Variants in RAB3B observed in about 807,000 individuals in gnomAD.
RAB3B encodes the protein ras-related protein Rab-3B.
In RAB3B, 11 loss-of-function variants were observed where a neutral mutation model predicts 20.5. The observed-to-expected ratio is 0.54, with a 90% CI of 0.34 to 0.89. The LOEUF is 0.89. Ranked by LOEUF, RAB3B falls within the 40% of genes least tolerant of loss-of-function variation. The pLI is 0.02. For missense variants in RAB3B, 225 were observed against 280.9 expected (o/e 0.80, Z 1.42); for synonymous variants, 99 against 106.3 (o/e 0.93, Z 0.42).
At chr1:51,946,913 A>G (rs1684572861) in intron 2 of RAB3B, among the ~76,000 whole-genome samples, 1 of 152,188 alleles carries the variant, frequency 6.6e-6, no homozygotes, top group Non-Finnish European at 1.5e-5. Context: ...TTTCAGACTG[A>G]GATTCAAACC....
chr1:51,969,215 T>G (rs1444918867), intron 2 of RAB3B, among the ~76,000 whole-genome samples: 1 of 152,162 alleles, frequency 6.6e-6, no homozygotes, highest in African/African-American at 2.4e-5. Flanking sequence ...GAGGATTGCT[T>G]AAGCCCAGGA....
chr1:51,932,393 G>A (rs1228461189), intron 4 of RAB3B, among the ~76,000 whole-genome samples: 1 of 152,064 alleles, frequency 6.6e-6, no homozygotes, highest in Non-Finnish European at 1.5e-5. Flanking sequence ...CTTTTTGTAA[G>A]GCAACCTTAC....
chr1:51,973,928 T>C (rs1422090884), intron 2 of RAB3B, among the ~76,000 whole-genome samples: 2 of 152,180 alleles, frequency 1.3e-5, no homozygotes, highest in Non-Finnish European at 2.9e-5. Context: ...ATCCACATAG[T>C]AAATATCAGT....
intron 2 of RAB3B, among the ~76,000 whole-genome samples, chr1:51,949,444 G>A (rs1263713073): frequency 6.6e-6 from 1 of 152,212 alleles, no homozygotes; most frequent in Non-Finnish European, 1.5e-5. Context: ...CTGCAACTGA[G>A]GGCAAGCTTC....
chr1:51,989,134 T>G (rs199730212), intron 1 of RAB3B, among the ~76,000 whole-genome samples: 5 of 20,958 alleles, frequency 2.4e-4, no homozygotes, highest in South Asian at 2.4e-3. Context: ...CACACACACA[T>G]CCTCTCCTTT....
chr1:51,941,439 A>C (rs943165933), intron 2 of RAB3B, among the ~76,000 whole-genome samples: 5 of 152,214 alleles, frequency 3.3e-5, no homozygotes, highest in Non-Finnish European at 5.9e-5. Flanking sequence ...GGCTGGTTAG[A>C]AGATCTTTGC....
In RAB3B at chr1:51,912,542, TAAAAAA is replaced by T; in HGVS notation, c.*7379_*7384del. 1 of 6,388 alleles carries T rather than the reference TAAAAAA, an allele frequency of 1.6e-4. No individual in the cohort carries two copies. The highest frequency in any genetic ancestry group is 0.01 in the South Asian group (1 of 98). The allele number at this position is 6,388 out of a possible 1,614,324, so 0.4% of individuals were successfully genotyped here. On this transcript the variant is annotated 3_prime_UTR_variant, in exon 5 of 5. Coordinates refer to ENST00000371655, the MANE Select transcript of RAB3B (RefSeq NM_002867.4). ...GGCAACATAGCAAGACCGTCTCTATTAAAAAAAAAAAAATATATATATATATATATA... is the reference window on the plus strand; with the variant it reads ...GGCAACATAGCAAGACCGTCTCTATTAAAAAAATATATATATATATATATA...
intron 2 of RAB3B, among the ~76,000 whole-genome samples, chr1:51,960,358 C>T (rs558519892): frequency 1.3e-5 from 2 of 152,264 alleles, no homozygotes; most frequent in South Asian, 2.1e-4. Flanking sequence ...AGAGAGGGGG[C>T]ACTGTATCCC....
intron 2 of RAB3B, among the ~76,000 whole-genome samples, chr1:51,963,708 A>T (rs1684812034): frequency 6.6e-6 from 1 of 152,102 alleles, no homozygotes; most frequent in South Asian, 2.1e-4. Flanking sequence ...TTCATCAGAA[A>T]ATTGTACTTA....
chr1:51,919,942 C>A lies in RAB3B; in HGVS notation c.645G>T (p.Gln215His), dbSNP rs1328520990. Residue 215 changes from glutamine to histidine, a missense_variant, in exon 5 of 5, where the codon CAG (glutamine) becomes CAT (histidine). Transcript: ENST00000371655. ...TGGGCCTTGCCTAGCATGAGCAGTT[C>A]TGCTGCAGCAGCGGTGGGGTGTCCG... is the stretch of plus-strand genomic sequence containing the variant. ...RLSDTPPLLQ[Q>H]NCSC The A allele has an allele frequency of 3.1e-6, 5 of 1,613,222 alleles. No homozygotes were observed. The South Asian group carries it at 5.5e-5, about 18-fold the overall frequency.
intron 2 of RAB3B, among the ~76,000 whole-genome samples, chr1:51,975,214 G>A (rs895097613): frequency 4.0e-5 from 6 of 151,734 alleles, no homozygotes; most frequent in South Asian, 2.1e-4. Flanking sequence ...ACTCTGTCTC[G>A]AAAAAAATAA....
In RAB3B at chr1:51,909,674, GA is replaced by G. The variant is rs1233732984; in HGVS notation, c.*10252del. The G allele has an allele frequency of 6.6e-6, 1 of 152,270 alleles. No homozygotes were observed. The highest frequency in any genetic ancestry group is 1.5e-5 in the Non-Finnish European group (1 of 68,114). 9.4% of individuals were successfully genotyped at this position (152,270 alleles called of 1,614,324 possible). ...CCCAGCCCAACAAGGTCATGCTACA[GA>G]GCTGCTCATGGCATTTTCCTGGACT... On this transcript the variant is annotated 3_prime_UTR_variant, in exon 5 of 5. Coordinates refer to ENST00000371655, the MANE Select transcript of RAB3B (RefSeq NM_002867.4).
intron 3 of RAB3B, among the ~76,000 whole-genome samples, chr1:51,935,937 T>G (rs1684392390): frequency 6.6e-6 from 1 of 152,086 alleles, no homozygotes. Flanking sequence ...ATGACAGACA[T>G]GCTGATGACA....
intron 2 of RAB3B, among the ~76,000 whole-genome samples, chr1:51,963,792 G>A (rs914282207): frequency 5.3e-5 from 8 of 152,156 alleles, no homozygotes; most frequent in African/African-American, 1.9e-4. Context: ...CCCTGGGAAT[G>A]TAGGTGCACA....
intron 1 of RAB3B, among the ~76,000 whole-genome samples, chr1:51,980,207 T>C (rs1435355911): frequency 1.3e-5 from 2 of 152,150 alleles, no homozygotes; most frequent in African/African-American, 4.8e-5. Flanking sequence ...AGTGGGAGGA[T>C]GGCTTCAGGC....
intron 2 of RAB3B, among the ~76,000 whole-genome samples, chr1:51,939,571 C>T (rs1192671975): frequency 6.6e-6 from 1 of 151,754 alleles, no homozygotes; most frequent in Non-Finnish European, 1.5e-5. Context: ...TACAGGCGCT[C>T]GCCAGTGTAC....
chr1:51,936,420 T>C (rs60246580), intron 3 of RAB3B, among the ~76,000 whole-genome samples: 2,341 of 152,266 alleles, frequency 0.015, 65 homozygotes, highest in African/African-American at 0.053. Context: ...AGGGATAAAC[T>C]TTAAGTGCTA....
chr1:51,970,893 C>T (rs1684920793), intron 2 of RAB3B, among the ~76,000 whole-genome samples: 2 of 151,604 alleles, frequency 1.3e-5, no homozygotes, highest in African/African-American at 4.9e-5. Context: ...GACCTGTAGC[C>T]CCAGCTACTC....
At chr1:51,969,673 G>T (rs1684902150) in intron 2 of RAB3B, among the ~76,000 whole-genome samples, 1 of 152,054 alleles carries the variant, frequency 6.6e-6, no homozygotes, top group Non-Finnish European at 1.5e-5. Flanking sequence ...TTTCTCAATG[G>T]GTTTAGGTGG....
Sources: allele counts gnomAD v4.1 joint callset (sites outside exome capture counted in the v4.1 genomes callset), GRCh38; gene constraint gnomAD v4.1.1; transcripts MANE v1.5; gene names NCBI Gene and HGNC (gene_info 2026-07-23, HGNC 2026-07-21).